Variants in OPHN1 observed in about 807,000 individuals in gnomAD.
OPHN1 encodes oligophrenin 1, also known as oligophrenin-1.
Under a neutral mutation model 60.7 loss-of-function variants are expected in OPHN1, and 11 were observed. The observed-to-expected ratio is 0.18, with a 90% CI of 0.11 to 0.30. The LOEUF is 0.30. Among genes scored for constraint, OPHN1 ranks in the 10% least tolerant of loss-of-function variants. The pLI is 1.00. For missense variants in OPHN1, 449 were observed against 611.0 expected (o/e 0.73, Z 2.80); for synonymous variants, 226 against 222.6 (o/e 1.02, Z -0.14).
At chrX:68,161,032 G>T (rs768026088) in intron 15 of OPHN1, among the ~76,000 whole-genome samples, 3 of 110,483 alleles carry the variant, frequency 2.7e-5, no homozygotes, top group African/African-American at 9.8e-5. Flanking sequence ...AAAAAGAGAA[G>T]ACTCAAATTA....
At chrX:68,391,333 T>C (rs1569300589) in intron 2 of OPHN1, among the ~76,000 whole-genome samples, 1 of 111,880 alleles carries the variant, frequency 8.9e-6, no homozygotes, top group African/African-American at 3.2e-5. Flanking sequence ...TTTTGTGTTT[T>C]TCTCTTTTTT....
intron 2 of OPHN1, among the ~76,000 whole-genome samples, chrX:68,395,114 C>T (rs1170586771): frequency 9.2e-6 from 1 of 108,800 alleles, no homozygotes; most frequent in African/African-American, 3.4e-5. Flanking sequence ...CACCACCACA[C>T]CCCGCTAATT....
intron 18 of OPHN1, among the ~76,000 whole-genome samples, chrX:68,108,228 G>T (rs2077089626): frequency 8.9e-6 from 1 of 112,004 alleles, no homozygotes; most frequent in Non-Finnish European, 1.9e-5. Flanking sequence ...CTTGCTTGGT[G>T]GTACTATTTA....
intron 2 of OPHN1, among the ~76,000 whole-genome samples, chrX:68,419,591 A>G (rs1409581496): frequency 2.1e-5 from 2 of 94,773 alleles, no homozygotes; most frequent in Non-Finnish European, 4.1e-5. Flanking sequence ...ACCAGGCTGG[A>G]GTGCAGTGGT....
chrX:68,421,547 C>A (rs2078826523), intron 2 of OPHN1, among the ~76,000 whole-genome samples: 1 of 111,350 alleles, frequency 9.0e-6, no homozygotes, highest in Admixed American at 9.6e-5. Context: ...CTTCCTCCCA[C>A]CTAATGAATT....
At chrX:68,277,894 A>C (rs980638167) in intron 4 of OPHN1, among the ~76,000 whole-genome samples, 4 of 112,485 alleles carry the variant, frequency 3.6e-5, no homozygotes, top group African/African-American at 1.3e-4. Context: ...ACTACTTTCT[A>C]AAGCACTGTA....
intron 5 of OPHN1, among the ~76,000 whole-genome samples, chrX:68,255,632 G>A (rs903992549): frequency 1.8e-5 from 2 of 110,431 alleles, no homozygotes; most frequent in Non-Finnish European, 3.8e-5. Context: ...TCTTCCCTGA[G>A]TCTCCATCTT....
chrX:68,262,405 G>C lies in OPHN1; in HGVS notation c.384+12333C>G, dbSNP rs770184656. Among the ~76,000 whole-genome samples the C allele has an allele frequency of 2.2e-3, 242 of 111,884 alleles. 1 individual carries two copies. The highest frequency in any genetic ancestry group is 7.6e-3 in the African/African-American group (234 of 30,863). ...TTTAATTTTTAAAATGGAAAAGTTAGCATTAATTATTTTCTCAAAAAGTAA... is the reference window on the plus strand; with the variant it reads ...TTTAATTTTTAAAATGGAAAAGTTACCATTAATTATTTTCTCAAAAAGTAA... On this transcript the variant is annotated intron_variant, in intron 5 of 24. Coordinates refer to ENST00000355520, the MANE Select transcript of OPHN1 (RefSeq NM_002547.3).
At chrX:68,111,311 G>C (rs1459319064) in intron 18 of OPHN1, among the ~76,000 whole-genome samples, 1 of 112,223 alleles carries the variant, frequency 8.9e-6, no homozygotes, top group Non-Finnish European at 1.9e-5. Flanking sequence ...TGGGACACAA[G>C]TGCCCCTTTC....
intron 2 of OPHN1, among the ~76,000 whole-genome samples, chrX:68,370,011 A>AATATATATAT (rs761607454): frequency 0.013 from 813 of 64,285 alleles, 30 homozygotes; most frequent in Non-Finnish European, 0.016. Flanking sequence ...AAATTGCTGA[A>AATATATATAT]ATATATATAT....
chrX:68,406,440 CA>C (rs2078743910), intron 2 of OPHN1, among the ~76,000 whole-genome samples: 1 of 109,591 alleles, frequency 9.1e-6, no homozygotes, highest in Non-Finnish European at 1.9e-5. Flanking sequence ...GGTGGAACCC[CA>C]TTTCTATCAA....
intron 18 of OPHN1, among the ~76,000 whole-genome samples, chrX:68,100,111 T>C (rs568005505): frequency 1.8e-5 from 2 of 111,767 alleles, no homozygotes; most frequent in African/African-American, 6.5e-5. Context: ...CTAAGGGGAC[T>C]TCCAGCTCTG....
In OPHN1 at chrX:68,393,885, G is replaced by GT. The variant is rs1163192446; in HGVS notation, c.154+38981dup. On this transcript the variant is annotated intron_variant, in intron 2 of 24. Coordinates refer to ENST00000355520, the MANE Select transcript of OPHN1 (RefSeq NM_002547.3). Reference sequence around the variant, plus strand: ...CTATCAAGGTGATCCAATAGACTTTGTTTTTTTTTTTTTTTTTTTTTTTTT... The same window carrying GT: ...CTATCAAGGTGATCCAATAGACTTTGTTTTTTTTTTTTTTTTTTTTTTTTTT... Among the ~76,000 whole-genome samples, 274 of 34,585 alleles carry GT rather than the reference G, an allele frequency of 7.9e-3. 65 individuals carry two copies. Among genetic ancestry groups the GT allele is most frequent in the African/African-American group, 0.016 (149 of 9,163 alleles). The allele number at this position is 34,585 out of a possible 115,157, so 30.0% of individuals were successfully genotyped here. A position where few individuals can be genotyped will look rare whatever the true frequency, so the allele number is the denominator to read the frequency against.
At chrX:68,350,820 A>G (rs1260462004) in intron 2 of OPHN1, among the ~76,000 whole-genome samples, 1 of 110,849 alleles carries the variant, frequency 9.0e-6, no homozygotes, top group African/African-American at 3.3e-5. Flanking sequence ...AGGTCAAAAA[A>G]AGCCTTTAAA....
chrX:68,049,683 C>G (rs1276092597), intron 23 of OPHN1, among the ~76,000 whole-genome samples: 1 of 111,917 alleles, frequency 8.9e-6, no homozygotes, highest in Non-Finnish European at 1.9e-5. Flanking sequence ...CTTTCTATGA[C>G]TCATCCGCAT....
intron 8 of OPHN1, among the ~76,000 whole-genome samples, chrX:68,211,441 G>A (rs1452015398): frequency 8.9e-6 from 1 of 112,637 alleles, no homozygotes; most frequent in East Asian, 2.8e-4. Flanking sequence ...ACAAGAAACT[G>A]TATGTTCCTT....
intron 15 of OPHN1, chrX:68,133,289 T>TA: frequency 1.6e-6 from 1 of 616,895 alleles, no homozygotes; most frequent in Non-Finnish European, 2.8e-6. Flanking sequence ...AATACGTGAG[T>TA]GTGTCTTAGA....
At chrX:68,195,397 T>C (rs1162701648) in intron 12 of OPHN1, among the ~76,000 whole-genome samples, 1 of 112,350 alleles carries the variant, frequency 8.9e-6, no homozygotes, top group East Asian at 2.8e-4. Flanking sequence ...TGTGCTGTGA[T>C]AGCTATGTGA....
intron 18 of OPHN1, among the ~76,000 whole-genome samples, chrX:68,110,474 T>C (rs764031446): frequency 1.6e-3 from 176 of 111,522 alleles, no homozygotes; most frequent in African/African-American, 5.4e-3. Flanking sequence ...AAGTCAGAGC[T>C]GAGAAAACCC....
Sources: gnomAD v4.1 joint callset for allele counts (sites outside exome capture counted in the v4.1 genomes callset) on GRCh38, gnomAD v4.1.1 for gene constraint, MANE v1.5 for transcripts, NCBI Gene and HGNC (gene_info 2026-07-23, HGNC 2026-07-21) for gene names.